Variants in CFAP299 observed in about 807,000 individuals in gnomAD.
CFAP299 encodes the protein cilia- and flagella-associated protein 299.
In CFAP299, 21 loss-of-function variants were observed where a neutral mutation model predicts 27.0. The observed-to-expected ratio is 0.78, with a 90% CI of 0.55 to 1.12. The LOEUF (loss-of-function observed/expected upper bound fraction) is 1.12. Ranked by LOEUF, CFAP299 falls within the 50% of genes most tolerant of loss-of-function variation. The probability of loss-of-function intolerance (pLI) is 0.00; values close to 1 mark genes in which losing one functional copy is unlikely to be tolerated. For missense variants in CFAP299, 310 were observed against 276.6 expected, an observed-to-expected ratio of 1.12 and a Z score of -0.86; for synonymous variants, 104 against 98.1, an observed-to-expected ratio of 1.06 and a Z score of -0.36.
chr4:80,862,324 C>T lies in CFAP299; in HGVS notation c.334-7669C>T, dbSNP rs371726684. The stretch of plus-strand genomic sequence containing the variant: ...AGCAGAGGTTGCAGTAAGCCAAAAT[C>T]GTGCCACTGCACTCCAGTCTGGGCA... On this transcript the variant is annotated intron_variant, in intron 3 of 5. Transcript: ENST00000358105. 4.5e-4 allele frequency among the ~76,000 whole-genome samples: 68 copies of T among 152,130 alleles called. 2 individuals carry two copies. The South Asian group carries it at 9.3e-3, about 21-fold the overall frequency.
intron 3 of CFAP299, among the ~76,000 whole-genome samples, chr4:80,678,839 GACA>G (rs1357739939): frequency 6.6e-6 from 1 of 151,970 alleles, no homozygotes; most frequent in Non-Finnish European, 1.5e-5. Context: ...TTCCTCCATT[GACA>G]ACATCTTGTA....
chr4:80,872,865 T>A, intron 4 of CFAP299: 2 of 949,570 alleles, frequency 2.1e-6, no homozygotes, highest in Non-Finnish European at 2.5e-6. Context: ...TATTGATTAA[T>A]CCTTTGCCTC....
At chr4:80,772,886 T>A (rs990439003) in intron 3 of CFAP299, among the ~76,000 whole-genome samples, 2 of 152,176 alleles carry the variant, frequency 1.3e-5, no homozygotes, top group African/African-American at 2.4e-5. Flanking sequence ...TATAAATCAT[T>A]CTGCTATAAA....
chr4:80,444,511 A>G (rs1035417656), intron 2 of CFAP299, among the ~76,000 whole-genome samples: 2 of 152,110 alleles, frequency 1.3e-5, no homozygotes, highest in Non-Finnish European at 2.9e-5. Context: ...TATCTTACAC[A>G]TTATACAAAA....
chr4:80,804,182 G>A (rs1187468642), intron 3 of CFAP299, among the ~76,000 whole-genome samples: 1 of 151,934 alleles, frequency 6.6e-6, no homozygotes, highest in Admixed American at 6.6e-5. Flanking sequence ...CACAGCAAGT[G>A]GTATTAAATA....
At chr4:80,498,413 G>A (rs1384133268) in intron 2 of CFAP299, among the ~76,000 whole-genome samples, 1 of 151,606 alleles carries the variant, frequency 6.6e-6, no homozygotes, top group African/African-American at 2.4e-5. Context: ...AAAAAGAATA[G>A]TATTAAAAAT....
Position 80,583,180 on chromosome 4 carries a change from G to A in CFAP299, c.330G>A (p.Leu110=). The A allele has an allele frequency of 6.3e-7, 1 of 1,598,690 alleles. No homozygotes were observed. Among genetic ancestry groups the A allele is most frequent in the East Asian group, 2.2e-5 (1 of 44,508 alleles). Residue 110 remains leucine (L), a synonymous_variant, in exon 3 of 6, where the codon CTG becomes CTA. Coordinates refer to ENST00000358105, the MANE Select transcript of CFAP299 (RefSeq NM_152770.3). The part of the protein sequence containing the change: ...MREEDNRSGK[L]SSVIFIRDRN... ...AAGAAGACAATCGCAGTGGAAAACT[G>A]AGTGTAAGTACATTTCATCCAACAG...
At chr4:80,715,734 G>A (rs1722442869) in intron 3 of CFAP299, among the ~76,000 whole-genome samples, 1 of 151,878 alleles carries the variant, frequency 6.6e-6, no homozygotes, top group African/African-American at 2.4e-5. Context: ...GACTATATGA[G>A]TAAAGCACAA....
At chr4:80,728,814 C>G (rs769142394) in intron 3 of CFAP299, among the ~76,000 whole-genome samples, 32 of 152,142 alleles carry the variant, frequency 2.1e-4, no homozygotes, top group South Asian at 6.2e-4. Flanking sequence ...AATGTGGTCT[C>G]TATGTCATGA....
chr4:80,845,513 A>G (rs1731135309), intron 3 of CFAP299, among the ~76,000 whole-genome samples: 1 of 152,066 alleles, frequency 6.6e-6, no homozygotes, highest in South Asian at 2.1e-4. Context: ...GCTCAGCCAC[A>G]TTGACTTTCT....
the CFAP299 span, among the ~76,000 whole-genome samples, chr4:80,328,238 A>C: frequency 6.6e-6 from 1 of 151,964 alleles, no homozygotes; most frequent in African/African-American, 2.4e-5. Flanking sequence ...GAAACAAAAC[A>C]TGGGGTCAAA....
intron 3 of CFAP299, among the ~76,000 whole-genome samples, chr4:80,651,795 G>A (rs1268932243): frequency 6.6e-6 from 1 of 151,498 alleles, no homozygotes; most frequent in Admixed American, 6.6e-5. Flanking sequence ...AAATCACACA[G>A]GTAAACTTTG....
intron 2 of CFAP299, among the ~76,000 whole-genome samples, chr4:80,521,875 G>C (rs1327504852): frequency 1.3e-5 from 2 of 151,830 alleles, no homozygotes; most frequent in African/African-American, 4.8e-5. Flanking sequence ...GTATCCAATG[G>C]ACACTTAGAT....
intron 2 of CFAP299, among the ~76,000 whole-genome samples, chr4:80,564,393 G>A (rs1184485370): frequency 6.6e-6 from 1 of 151,968 alleles, no homozygotes; most frequent in African/African-American, 2.4e-5. Context: ...GTCAATCAAT[G>A]TGATTCAGCC....
chr4:80,427,255 C>T (rs1201629551), intron 2 of CFAP299, among the ~76,000 whole-genome samples: 2 of 152,102 alleles, frequency 1.3e-5, no homozygotes, highest in Non-Finnish European at 2.9e-5. Context: ...TTCCTTTCCA[C>T]CAACATATTT....
At chr4:80,591,123 TTTTTTTTTA>T (rs1736745462) in intron 3 of CFAP299, among the ~76,000 whole-genome samples, 2 of 133,760 alleles carry the variant, frequency 1.5e-5, no homozygotes, top group South Asian at 2.5e-4. Flanking sequence ...TTTTTTTTTT[TTTTTTTTTA>T]TTTTTTTTTG....
chr4:80,471,136 A>G (rs1729970951), intron 2 of CFAP299, among the ~76,000 whole-genome samples: 1 of 152,134 alleles, frequency 6.6e-6, no homozygotes, highest in Non-Finnish European at 1.5e-5. Context: ...GCCTCATAGT[A>G]GTAGATTGTC....
the CFAP299 span, among the ~76,000 whole-genome samples, chr4:80,322,868 C>T: frequency 1.3e-5 from 2 of 152,154 alleles, no homozygotes; most frequent in Non-Finnish European, 2.9e-5. Flanking sequence ...TGAAGTTGAT[C>T]CTGCAGGGCA....
intron 3 of CFAP299, among the ~76,000 whole-genome samples, chr4:80,642,510 A>G (rs1315950327): frequency 6.6e-6 from 1 of 152,220 alleles, no homozygotes; most frequent in Non-Finnish European, 1.5e-5. Context: ...TCACGCCCAT[A>G]ATCCTAGCAC....
Sources: allele counts gnomAD v4.1 joint callset (sites outside exome capture counted in the v4.1 genomes callset), GRCh38; gene constraint gnomAD v4.1.1; transcripts MANE v1.5; gene names NCBI Gene and HGNC (gene_info 2026-07-23, HGNC 2026-07-21).